CADM2: variants seen among roughly 807,000 people sequenced by gnomAD.
The protein encoded by CADM2 is cell adhesion molecule 2.
In CADM2, 12 loss-of-function variants were observed where a neutral mutation model predicts 49.8. The ratio of observed to expected loss-of-function variants is 0.24; its 90% CI spans 0.15 to 0.39. CADM2 has a LOEUF of 0.39. Ranked by LOEUF, CADM2 falls within the 10% of genes least tolerant of loss-of-function variation. The pLI is 1.00. For missense variants in CADM2, 378 were observed against 492.3 expected (o/e 0.77, Z 2.20); for synonymous variants, 214 against 175.4 (o/e 1.22, Z -1.74).
At chr3:85,797,367 A>T (rs2071692903) in intron 2 of CADM2, among the ~76,000 whole-genome samples, 1 of 152,074 alleles carries the variant, frequency 6.6e-6, no homozygotes, top group Non-Finnish European at 1.5e-5. Context: ...TCAACCCATC[A>T]TCTACATTAA....
At chr3:85,221,139 GATACACTTTTTTCCAA>G (rs1392711384) in intron 1 of CADM2, among the ~76,000 whole-genome samples, 1 of 152,060 alleles carries the variant, frequency 6.6e-6, no homozygotes, top group Non-Finnish European at 1.5e-5. Context: ...CGTTATAAAC[GATACACTTTTTTCCAA>G]ATGTTTCAAT....
At chr3:85,211,645 T>C (rs1357449673) in intron 1 of CADM2, among the ~76,000 whole-genome samples, 2 of 152,146 alleles carry the variant, frequency 1.3e-5, no homozygotes, top group African/African-American at 2.4e-5. Flanking sequence ...TTAGAGAAGA[T>C]AGTTGAGATA....
chr3:85,202,310 A>C (rs2107748535), intron 1 of CADM2, among the ~76,000 whole-genome samples: 1 of 152,262 alleles, frequency 6.6e-6, no homozygotes, highest in Admixed American at 6.5e-5. Context: ...GACCAGATTT[A>C]TCAAAGGAAT....
chr3:85,635,905 G>T (rs76109078), intron 1 of CADM2, among the ~76,000 whole-genome samples: 21,371 of 152,080 alleles, frequency 0.14, 1,594 homozygotes, highest in African/African-American at 0.16. Flanking sequence ...CCGTAGTGTT[G>T]CAGCCGTCAT....
At chr3:85,209,908 G>T (rs1169899158) in intron 1 of CADM2, among the ~76,000 whole-genome samples, 1 of 152,126 alleles carries the variant, frequency 6.6e-6, no homozygotes, top group Non-Finnish European at 1.5e-5. Flanking sequence ...ATAGCAGAGA[G>T]AAGACAAATG....
chr3:85,341,456 C>G (rs2107194117), intron 1 of CADM2, among the ~76,000 whole-genome samples: 1 of 152,014 alleles, frequency 6.6e-6, no homozygotes, highest in Middle Eastern at 3.4e-3. Flanking sequence ...GTCACTCAAG[C>G]TTCTGGCAAA....
chr3:85,799,099 G>T (rs1193812976), intron 2 of CADM2, among the ~76,000 whole-genome samples: 1 of 152,108 alleles, frequency 6.6e-6, no homozygotes. Context: ...AGGAATGCCT[G>T]TGATTTTTGC....
At chr3:85,283,488 ATTC>A (rs921672902) in intron 1 of CADM2, among the ~76,000 whole-genome samples, 85 of 152,092 alleles carry the variant, frequency 5.6e-4, no homozygotes, top group Middle Eastern at 3.6e-3. Context: ...AAATAATTGT[ATTC>A]TTTGATTCAT....
At chr3:85,422,669 T>A (rs964347464) in intron 1 of CADM2, among the ~76,000 whole-genome samples, 17 of 152,198 alleles carry the variant, frequency 1.1e-4, no homozygotes, top group African/African-American at 3.4e-4. Context: ...GATTTTTGCG[T>A]ATATGTATAT....
chr3:85,874,817 G>A (rs1318753249), intron 3 of CADM2, among the ~76,000 whole-genome samples: 1 of 152,082 alleles, frequency 6.6e-6, no homozygotes, highest in African/African-American at 2.4e-5. Context: ...GGGATGGAGA[G>A]GAAATATTTT....
rs532571801 is a variant in CADM2 at position 85,225,929 on chromosome 3, C to A, written c.61+266261C>A. Among the ~76,000 whole-genome samples, 2 of 152,276 alleles carry A rather than the reference C, an allele frequency of 1.3e-5. 1 individual carries two copies. The highest frequency in any genetic ancestry group is 4.1e-4 in the South Asian group (2 of 4,824). On this transcript the variant is annotated intron_variant, in intron 1 of 9. Coordinates refer to ENST00000383699, the MANE Select transcript of CADM2 (RefSeq NM_001167675.2). ...TATTGATTTGTGTATGTTGAACCAG[C>A]CTTGCATCCCAGGGATGAAGCCGAC...
chr3:85,026,043 G>A (rs2034713357), intron 1 of CADM2, among the ~76,000 whole-genome samples: 1 of 152,176 alleles, frequency 6.6e-6, no homozygotes, highest in Non-Finnish European at 1.5e-5. Context: ...AAGCCAGTGA[G>A]TGACTAACAC....
In CADM2 at chr3:85,147,275, C is replaced by CAAAAAAAAAAAA. The variant is rs759888985; in HGVS notation, c.61+187626_61+187637dup. Among the ~76,000 whole-genome samples, 25 of 46,002 alleles carry CAAAAAAAAAAAA rather than the reference C, an allele frequency of 5.4e-4. 1 individual carries two copies. Among genetic ancestry groups the CAAAAAAAAAAAA allele is most frequent in the African/African-American group, 1.3e-3 (25 of 19,986 alleles). The allele number at this position is 46,002 out of a possible 152,430, so 30.2% of individuals were successfully genotyped here. ...TGGGCGACAGAGCCAGACTCTGTCT[C>CAAAAAAAAAAAA]AAAAAAAAAAAAAAAAAAAAAAAAA... is the stretch of plus-strand genomic sequence containing the variant. On this transcript the variant is annotated intron_variant, in intron 1 of 9. Transcript: ENST00000383699.
At chr3:85,536,611 G>A (rs529137133) in intron 1 of CADM2, among the ~76,000 whole-genome samples, 1 of 151,978 alleles carries the variant, frequency 6.6e-6, no homozygotes, top group South Asian at 2.1e-4. Context: ...CTTTTCACTG[G>A]ATTACTTAAC....
intron 1 of CADM2, among the ~76,000 whole-genome samples, chr3:85,001,323 A>T (rs2033452000): frequency 1.3e-5 from 2 of 151,916 alleles, no homozygotes; most frequent in Admixed American, 1.3e-4. Flanking sequence ...ATTTTAGTTT[A>T]ACTTAATTTA....
At chr3:85,106,694 G>C (rs1243822663) in intron 1 of CADM2, among the ~76,000 whole-genome samples, 2 of 152,032 alleles carry the variant, frequency 1.3e-5, no homozygotes, top group African/African-American at 4.8e-5. Context: ...ACAAGTACGG[G>C]GAAACGTAGC....
At chr3:85,769,481 G>A (rs867301468) in intron 2 of CADM2, among the ~76,000 whole-genome samples, 4 of 53,320 alleles carry the variant, frequency 7.5e-5, no homozygotes, top group Admixed American at 5.6e-4. Flanking sequence ...ATATATACAC[G>A]TATATACATA....
At chr3:85,489,099 T>G (rs73126345) in intron 1 of CADM2, among the ~76,000 whole-genome samples, 191 of 152,288 alleles carry the variant, frequency 1.3e-3, no homozygotes, top group Non-Finnish European at 2.1e-3. Flanking sequence ...TTAGTTTTAG[T>G]ATTGTTATTT....
chr3:86,036,119 G>A (rs560096715), intron 8 of CADM2, among the ~76,000 whole-genome samples: 14 of 152,080 alleles, frequency 9.2e-5, no homozygotes, highest in African/African-American at 3.1e-4. Context: ...TATGAATTTG[G>A]GGGAACACAA....
Sources: gnomAD v4.1 joint callset for allele counts (sites outside exome capture counted in the v4.1 genomes callset) on GRCh38, gnomAD v4.1.1 for gene constraint, MANE v1.5 for transcripts, NCBI Gene and HGNC (gene_info 2026-07-23, HGNC 2026-07-21) for gene names.